The following TRIP11 variants were observed in gnomAD, a reference collection of about 807,000 sequenced individuals.
TRIP11 encodes the protein thyroid receptor-interacting protein 11.
A neutral mutation model predicts 223.1 loss-of-function variants in TRIP11; 148 were observed. That is an observed-to-expected ratio of 0.66 (90% confidence interval 0.58 to 0.76). The LOEUF (loss-of-function observed/expected upper bound fraction) is 0.76. Ranked by LOEUF, TRIP11 falls within the 30% of genes least tolerant of loss-of-function variation. TRIP11 has a pLI of 0.00. For synonymous variants in TRIP11, 762 were observed against 772.6 expected (o/e 0.99, Z 0.23); for missense variants, 2,043 against 2,222.0 (o/e 0.92, Z 1.62).
At chr14:92,011,725 T>C (rs374400779) in intron 8 of TRIP11, 30 bp downstream of exon 8, 15 of 1,592,900 alleles carry the variant, frequency 9.4e-6, no homozygotes, top group Middle Eastern at 1.7e-4. Context: ...ACTGTCTCTA[T>C]GCACATAACA....
At chr14:92,021,252 A>G (rs867880361) in intron 4 of TRIP11, among the ~76,000 whole-genome samples, 2 of 151,460 alleles carry the variant, frequency 1.3e-5, no homozygotes, top group Middle Eastern at 6.8e-3. Flanking sequence ...AACTAGGCAT[A>G]GTGGCGTGTG....
At chr14:92,024,046 G>A (rs1370555857) in intron 3 of TRIP11, among the ~76,000 whole-genome samples, 6 of 151,178 alleles carry the variant, frequency 4.0e-5, no homozygotes, top group African/African-American at 1.2e-4. Flanking sequence ...AGTAGAGATG[G>A]GGAATCAAGA....
intron 9 of TRIP11, among the ~76,000 whole-genome samples, chr14:92,009,284 T>A (rs550110104): frequency 1.3e-5 from 2 of 152,216 alleles, no homozygotes; most frequent in East Asian, 3.8e-4. Flanking sequence ...TCATCCCACC[T>A]TGGCCTCCCA....
intron 11 of TRIP11, among the ~76,000 whole-genome samples, chr14:92,001,210 T>G (rs1362566945): frequency 2.0e-5 from 3 of 152,078 alleles, no homozygotes; most frequent in Admixed American, 2.0e-4. Context: ...TATGAACCTA[T>G]TTACAGTTTA....
rs759171176 is a variant in TRIP11 at position 92,039,664 on chromosome 14, G to A, written c.22C>T (p.Leu8Phe). The change falls in exon 1 of 21, where the codon CTC becomes TTC. Residue 8 changes from leucine to phenylalanine, a missense_variant. Transcript: ENST00000267622. MSSWLGG[L>F]GSGLGQSLGQ... The stretch of plus-strand genomic sequence containing the variant: ...AGAGACTGGCCCAATCCGGAGCCGA[G>A]GCCCCCAAGCCAGGACGACATCGCG... The A allele has an allele frequency of 7.4e-6, 12 of 1,612,324 alleles. No individual in the cohort carries two copies. The highest frequency in any genetic ancestry group is 5.3e-5 in the African/African-American group (4 of 74,904).
chr14:91,974,065 T>A (rs1384944687), intron 19 of TRIP11, among the ~76,000 whole-genome samples: 2 of 151,922 alleles, frequency 1.3e-5, no homozygotes, highest in East Asian at 3.9e-4. Context: ...AGAAAGAAAC[T>A]CCACATTCTA....
intron 4 of TRIP11, 118 bp from the exon 5 acceptor site, chr14:92,017,868 G>A (rs978589380): frequency 1.5e-5 from 13 of 844,654 alleles, no homozygotes; most frequent in Admixed American, 4.2e-5. Flanking sequence ...CACAGATTCC[G>A]ACTAAAGAAT....
chr14:92,018,975 A>C (rs1045004649), intron 4 of TRIP11, among the ~76,000 whole-genome samples: 2 of 150,964 alleles, frequency 1.3e-5, no homozygotes, highest in African/African-American at 2.4e-5. Flanking sequence ...AAAAAAAAAA[A>C]AAACAAAAAA....
chr14:92,030,203 CAAAAA>C (rs55828319), intron 2 of TRIP11, among the ~76,000 whole-genome samples: 2 of 67,078 alleles, frequency 3.0e-5, no homozygotes, highest in Admixed American at 2.2e-4. Flanking sequence ...GACTCCGTCT[CAAAAA>C]AAAAAAAAAA....
At chr14:91,992,407 T>C (rs569779902) in intron 15 of TRIP11, among the ~76,000 whole-genome samples, 2 of 152,170 alleles carry the variant, frequency 1.3e-5, no homozygotes, top group Non-Finnish European at 2.9e-5. Flanking sequence ...GTGTGGGTAT[T>C]TGCTGCATTG....
chr14:92,021,862 G>A (rs1180156407), intron 3 of TRIP11, 31 bp from the exon 4 acceptor site: 1 of 1,605,422 alleles, frequency 6.2e-7, no homozygotes, highest in Non-Finnish European at 8.5e-7. Context: ...TTTTAGAGAA[G>A]GTACTTTAAA....
chr14:92,024,681 G>T (rs1456019596), intron 3 of TRIP11, among the ~76,000 whole-genome samples: 1 of 152,104 alleles, frequency 6.6e-6, no homozygotes, highest in Non-Finnish European at 1.5e-5. Flanking sequence ...ACATCCAAAT[G>T]ATCTGGACAA....
chr14:91,969,961 TG>T (rs2056381452), intron 20 of TRIP11, 68 bp from the exon 21 acceptor site: 1 of 1,402,878 alleles, frequency 7.1e-7, no homozygotes, highest in African/African-American at 1.4e-5. Context: ...TAACTCTGAA[TG>T]TAATAGCATA....
chr14:91,986,266 C>G (rs752019486), intron 16 of TRIP11, among the ~76,000 whole-genome samples: 2 of 152,138 alleles, frequency 1.3e-5, no homozygotes, highest in Non-Finnish European at 2.9e-5. Context: ...AAATGAGTGT[C>G]TGAAAAAGTA....
Position 91,969,230 on chromosome 14 carries a change from C to A in TRIP11, c.*443G>T. The A allele has an allele frequency of 3.7e-6, 1 of 272,536 alleles. No individual in the cohort carries two copies. Among genetic ancestry groups the A allele is most frequent in the Non-Finnish European group, 7.0e-6 (1 of 141,882 alleles). 16.9% of individuals were successfully genotyped at this position (272,536 alleles called of 1,614,324 possible). ...CTCTAAAGATGATCAATATATGCTT[C>A]AAATCAACTTTCTGCACTATGCAGA... On this transcript the variant is annotated 3_prime_UTR_variant, in exon 21 of 21. Transcript: ENST00000267622.
At position 92,039,578 on chromosome 14, in the gene TRIP11, A is replaced by C; in HGVS notation, c.108T>G (p.Asp36Glu). 6.2e-7 allele frequency: 1 copy of C among 1,613,874 alleles called. No individual in the cohort carries two copies. Among genetic ancestry groups the C allele is most frequent in the African/African-American group, 1.3e-5 (1 of 74,998 alleles). The part of the protein sequence containing the change: ...LTGQISNFTK[D>E]MLMEGTEEVE... ...CTTCCTCCGTGCCCTCCATCAGCATATCCTTTGTAAAGTTTGATATCTGGC... is the reference window on the plus strand; with the variant it reads ...CTTCCTCCGTGCCCTCCATCAGCATCTCCTTTGTAAAGTTTGATATCTGGC... Residue 36 changes from aspartate to glutamate, a missense_variant, in exon 1 of 21, where the codon GAT becomes GAG. Asp to Glu is a conservative substitution (Grantham distance 45). Transcript: ENST00000267622.
rs775302399 is a variant in TRIP11 at position 92,021,620 on chromosome 14, T to A, written c.524A>T (p.Asn175Ile). 1.2e-6 allele frequency: 2 copies of A among 1,613,524 alleles called. No individual in the cohort carries two copies. The highest frequency in any genetic ancestry group is 1.1e-5 in the South Asian group (1 of 91,060). The change falls in exon 4 of 21, where the codon AAC becomes ATC. Residue 175 changes from asparagine to isoleucine, a missense_variant. Transcript: ENST00000267622. ...GDIISSQQEI[N>I]RLSNEVSRLE... The stretch of plus-strand genomic sequence containing the variant: ...TCTTGAAACTTCATTTGAGAGTCGG[T>A]TTATTTCTTGTTGGGATGAAATTAT...
rs1427804097 is a variant in TRIP11 at position 92,025,325 on chromosome 14, T to C, written c.297A>G (p.Gln99=). Reference sequence around the variant, plus strand: ...TAACATTTACCTCTTTTTGTTGAAGTTGATTTCGGTAACTTGTAGATTGCT... The same window carrying C: ...TAACATTTACCTCTTTTTGTTGAAGCTGATTTCGGTAACTTGTAGATTGCT... ...IKQQSTSYRN[Q]LQQKEVEISH... Residue 99 remains glutamine (Q), a synonymous_variant, in exon 3 of 21, where the codon CAA becomes CAG. Transcript: ENST00000267622. 7 of 1,613,216 alleles carry C rather than the reference T, an allele frequency of 4.3e-6. No homozygotes were observed. The Admixed American group carries it at 6.7e-5, about 15-fold the overall frequency.
chr14:92,026,230 A>G (rs2057184712), intron 2 of TRIP11, among the ~76,000 whole-genome samples: 1 of 152,174 alleles, frequency 6.6e-6, no homozygotes, highest in Admixed American at 6.5e-5. Flanking sequence ...GAAAACCACT[A>G]CTAGAACTGT....
Sources: gnomAD v4.1 joint callset for allele counts (sites outside exome capture counted in the v4.1 genomes callset) on GRCh38, gnomAD v4.1.1 for gene constraint, MANE v1.5 for transcripts, NCBI Gene and HGNC (gene_info 2026-07-23, HGNC 2026-07-21) for gene names.